PTCH2: variants seen among roughly 807,000 people sequenced by gnomAD.
PTCH2 encodes the protein patched 2, also known as protein patched homolog 2.
PTCH2 carries 96 observed loss-of-function variants against 117.9 expected under a neutral mutation model. The observed-to-expected ratio is 0.81, with a 90% CI of 0.69 to 0.96. PTCH2 has a LOEUF of 0.96. Among genes scored for constraint, PTCH2 ranks in the 50% least tolerant of loss-of-function variants. The probability of loss-of-function intolerance (pLI) is 0.00; values close to 1 mark genes in which losing one functional copy is unlikely to be tolerated. For synonymous variants in PTCH2, 615 were observed against 660.9 expected (o/e 0.93, Z 1.06); for missense variants, 1,379 against 1,562.5 (o/e 0.88, Z 1.98).
In PTCH2 at chr1:44,826,360, C is replaced by G. The variant is rs569814317; in HGVS notation, c.3004G>C (p.Glu1002Gln). 1 of 1,614,126 alleles carries G rather than the reference C, an allele frequency of 6.2e-7. No individual in the cohort carries two copies. The highest frequency in any genetic ancestry group is 1.1e-5 in the South Asian group (1 of 91,084). ...IVLVLAMMTVELFGIMGFLGI... is the reference protein window; with the variant it reads ...IVLVLAMMTVQLFGIMGFLGI... ...AGGAAACCCATGATACCAAAGAGTTCCACTGTCATCATCGCCAGGACCAGC... is the reference window on the plus strand; with the variant it reads ...AGGAAACCCATGATACCAAAGAGTTGCACTGTCATCATCGCCAGGACCAGC... Residue 1002 changes from glutamate to glutamine, a missense_variant, in exon 19 of 22, where the codon GAA becomes CAA. By Grantham distance (29) the Glu-to-Gln change is conservative. Transcript: ENST00000372192. This position sits in a 1 kb window ranked among gnomAD's most constrained non-coding sequence, Gnocchi z 5.1.
At chr1:44,839,381 A>AAAAC (rs1432034383) in intron 2 of PTCH2, among the ~76,000 whole-genome samples, 191 of 150,516 alleles carry the variant, frequency 1.3e-3, no homozygotes, top group African/African-American at 4.4e-3. Flanking sequence ...AAAAAAAAAA[A>AAAAC]AACAGAAAGA....
rs370016461 is a variant in PTCH2 at position 44,826,808 on chromosome 1, G to C, written c.2696-40C>G. ...GGAAGGGAGAAGAGGGAGAGGGACA[G>C]GGCGGTGAGCACGGGGCAGAGTGGG... On this transcript the variant is annotated intron_variant, in intron 17 of 21. Transcript: ENST00000372192. The surrounding 1 kb of genome is among the most constrained non-coding windows in gnomAD (Gnocchi z 5.1). The C allele has an allele frequency of 1.5e-5, 24 of 1,607,604 alleles. No individual in the cohort carries two copies. Among genetic ancestry groups the C allele is most frequent in the Non-Finnish European group, 2.0e-5 (23 of 1,175,590 alleles).
chr1:44,842,370 C>T (rs1244875584), intron 1 of PTCH2, among the ~76,000 whole-genome samples: 2 of 149,790 alleles, frequency 1.3e-5, no homozygotes, highest in Non-Finnish European at 3.0e-5. Context: ...ACCTCCGCCT[C>T]CCAGGTTCAA....
At chr1:44,822,947 G>T in intron 21 of PTCH2, 122 bp downstream of exon 21, 2 of 1,155,146 alleles carry the variant, frequency 1.7e-6, no homozygotes, top group Non-Finnish European at 2.5e-6. Context: ...GCCACCTTCA[G>T]CTGGTGGCAC....
chr1:44,820,269 C>G (rs1346054306), downstream of PTCH2: 1 of 439,390 alleles, frequency 2.3e-6, no homozygotes, highest in African/African-American at 2.0e-5. Flanking sequence ...TCACTGATCT[C>G]CTTTGCTCTC....
rs1375365474 is a variant in PTCH2 at position 44,842,970 on chromosome 1, C to A, written c.-38G>T. 13 of 1,515,570 alleles carry A rather than the reference C, an allele frequency of 8.6e-6. No homozygotes were observed. The allele number at this position is 1,515,570 out of a possible 1,614,324, so 93.9% of individuals were successfully genotyped here. On this transcript the variant is annotated 5_prime_UTR_variant, in exon 1 of 22. Transcript: ENST00000372192. ...GGGGGGCGCGGGCGCCCCCAACCCGCGTTATCTGGGCGCTCCCATAGGCTA... is the reference window on the plus strand; with the variant it reads ...GGGGGGCGCGGGCGCCCCCAACCCGAGTTATCTGGGCGCTCCCATAGGCTA...
At chr1:44,838,521 G>A (rs974216872) in intron 2 of PTCH2, among the ~76,000 whole-genome samples, 4 of 152,132 alleles carry the variant, frequency 2.6e-5, no homozygotes, top group Non-Finnish European at 5.9e-5. Flanking sequence ...GATTACAGGC[G>A]TGAGCCACCG....
chr1:44,824,544 CT>C (rs1653059197), intron 19 of PTCH2, among the ~76,000 whole-genome samples: 1 of 150,732 alleles, frequency 6.6e-6, no homozygotes, highest in Non-Finnish European at 1.5e-5. Context: ...GTTGCCCAGG[CT>C]GCAGTGCAGT....
At chr1:44,834,113 G>C (rs1197400991) in intron 2 of PTCH2, among the ~76,000 whole-genome samples, 1 of 147,678 alleles carries the variant, frequency 6.8e-6, no homozygotes, top group Admixed American at 6.8e-5. Flanking sequence ...CACACTGCCA[G>C]TTCCTTCCCT....
intron 2 of PTCH2, among the ~76,000 whole-genome samples, chr1:44,832,569 C>A (rs995621970): frequency 1.3e-5 from 2 of 152,194 alleles, no homozygotes. Flanking sequence ...TGTGGCTCTG[C>A]GGATTTCTTG....
intron 21 of PTCH2, 88 bp from the exon 22 acceptor site, chr1:44,822,757 T>G (rs1464068111): frequency 7.2e-7 from 1 of 1,390,450 alleles, no homozygotes; most frequent in Non-Finnish European, 1.0e-6. Flanking sequence ...CCATGACTGT[T>G]GGGAAGCTGG....
At position 44,823,694 on chromosome 1, in the gene PTCH2, T is replaced by C. The variant is rs1056019121; in HGVS notation, c.3115-309A>G. On this transcript the variant is annotated intron_variant, in intron 19 of 21. Transcript: ENST00000372192. This position sits in a 1 kb window ranked among gnomAD's most constrained non-coding sequence, Gnocchi z 5.1. ...TGGCTCATGCCTGTAATCCCAGCACTTTGGGAGGCTGAGGTGGGTGGATCA... is the reference window on the plus strand; with the variant it reads ...TGGCTCATGCCTGTAATCCCAGCACCTTGGGAGGCTGAGGTGGGTGGATCA... Among the ~76,000 whole-genome samples the C allele has an allele frequency of 2.6e-5, 4 of 151,342 alleles. No individual in the cohort carries two copies. The highest frequency in any genetic ancestry group is 2.1e-4 in the South Asian group (1 of 4,788).
rs1652948606 is a variant in PTCH2 at position 44,822,459 on chromosome 1, A to G, written c.3568T>C (p.Ser1190Pro). Residue 1190 changes from serine to proline, a missense_variant, in exon 22 of 22, where the codon TCT becomes CCT. By Grantham distance (74) the Ser-to-Pro change is moderately conservative. Transcript: ENST00000372192. ...GGTCCCCTGGAACTGAGGTTGCCAG[A>G]GCTAGTGGCAGCAGGGGACCAAGGG... ...EPPWSPAATS[S>P]GNLSSRGPGP... is the part of the protein sequence containing the mutation. The G allele has an allele frequency of 6.2e-7, 1 of 1,613,864 alleles. No homozygotes were observed. The highest frequency in any genetic ancestry group is 8.5e-7 in the Non-Finnish European group (1 of 1,179,972).
At position 44,826,478 on chromosome 1, in the gene PTCH2, A is replaced by G. The variant is rs371724555; in HGVS notation, c.2976+10T>C. On this transcript the variant is annotated intron_variant, in intron 18 of 21. Transcript: ENST00000372192. This position sits in a 1 kb window ranked among gnomAD's most constrained non-coding sequence, Gnocchi z 5.1. The stretch of plus-strand genomic sequence containing the variant: ...GGGGTGTCTCTGTCCCCACTCCTGC[A>G]AGCACTCACTATGAGGCCAGCCGTC... 1 of 1,613,790 alleles carries G rather than the reference A, an allele frequency of 6.2e-7. No individual in the cohort carries two copies. The highest frequency in any genetic ancestry group is 8.5e-7 in the Non-Finnish European group (1 of 1,179,980).
At position 44,843,228 on chromosome 1, in the gene PTCH2, A is replaced by G; in HGVS notation, c.-296T>C. 2 of 985,368 alleles carry G rather than the reference A, an allele frequency of 2.0e-6. No individual in the cohort carries two copies. The highest frequency in any genetic ancestry group is 2.4e-6 in the Non-Finnish European group (2 of 829,904). The allele number at this position is 985,368 out of a possible 1,614,324, so 61.0% of individuals were successfully genotyped here. A position where few individuals can be genotyped will look rare whatever the true frequency, so the allele number is the denominator to read the frequency against. ...AGGCGGAATTGCTGGCCCGAGACGC[A>G]CAGCAGGGCTCGAGGTGGCAACTGC... On this transcript the variant is annotated 5_prime_UTR_variant, in exon 1 of 22. Transcript: ENST00000372192.
chr1:44,842,311 G>A (rs1225944134), intron 1 of PTCH2, among the ~76,000 whole-genome samples: 4 of 133,604 alleles, frequency 3.0e-5, no homozygotes, highest in South Asian at 2.3e-4. Context: ...ACGCAGTCTC[G>A]CTCTGTTGCC....
In PTCH2 at chr1:44,831,934, A is replaced by C; in HGVS notation, c.525+41T>G. 6.3e-7 allele frequency: 1 copy of C among 1,583,590 alleles called. No homozygotes were observed. ...CTCGGTCTCTGAGTCCTCCCACGCTACAGAAAAAGTTCTGCCTCTACTCCC... is the reference window on the plus strand; with the variant it reads ...CTCGGTCTCTGAGTCCTCCCACGCTCCAGAAAAAGTTCTGCCTCTACTCCC... On this transcript the variant is annotated intron_variant, in intron 4 of 21. Coordinates refer to ENST00000372192, the MANE Select transcript of PTCH2 (RefSeq NM_003738.5). The surrounding 1 kb of genome is among the most constrained non-coding windows in gnomAD (Gnocchi z 4.3).
chr1:44,823,539 G>GT lies in PTCH2; in HGVS notation c.3115-155dup, dbSNP rs1357470716. Among the ~76,000 whole-genome samples the GT allele has an allele frequency of 1.3e-5, 2 of 152,202 alleles. No individual in the cohort carries two copies. Among genetic ancestry groups the GT allele is most frequent in the Non-Finnish European group, 2.9e-5 (2 of 68,046 alleles). ...CATGGGAACTGTACAGGGAGCATGC[G>GT]TGAGTCCTTTTAGGTAACACTGTAT... On this transcript the variant is annotated intron_variant, in intron 19 of 21. Coordinates refer to ENST00000372192, the MANE Select transcript of PTCH2 (RefSeq NM_003738.5). The surrounding 1 kb of genome is among the most constrained non-coding windows in gnomAD (Gnocchi z 5.1).
Position 44,826,779 on chromosome 1 carries a change from G to A in PTCH2, c.2696-11C>T. On this transcript the variant is annotated splice_polypyrimidine_tract_variant and intron_variant, in intron 17 of 21. Coordinates refer to ENST00000372192, the MANE Select transcript of PTCH2 (RefSeq NM_003738.5). The surrounding 1 kb of genome is among the most constrained non-coding windows in gnomAD (Gnocchi z 5.1). ...GCTGAGCTGGCGGGACTGTGGAGGG[G>A]AGGGGAAGGGAGAAGAGGGAGAGGG... 2 of 1,599,820 alleles carry A rather than the reference G, an allele frequency of 1.3e-6. No homozygotes were observed. The highest frequency in any genetic ancestry group is 1.7e-6 in the Non-Finnish European group (2 of 1,171,076).
Sources: gnomAD v4.1 joint callset for allele counts (sites outside exome capture counted in the v4.1 genomes callset) on GRCh38, gnomAD v4.1.1 for gene constraint, Gnocchi (gnomAD v3.1) non-coding constraint, MANE v1.5 for transcripts, NCBI Gene and HGNC (gene_info 2026-07-23, HGNC 2026-07-21) for gene names.